Variants in TENM2 observed in about 807,000 individuals in gnomAD.
TENM2 encodes teneurin transmembrane protein 2, also known as teneurin-2.
TENM2 carries 52 observed loss-of-function variants against 245.2 expected under a neutral mutation model. That is an observed-to-expected ratio of 0.21 (90% CI 0.17 to 0.27). The LOEUF (loss-of-function observed/expected upper bound fraction) is 0.27. Among genes scored for constraint, TENM2 ranks in the 10% least tolerant of loss-of-function variants. The pLI is 1.00. For synonymous variants in TENM2, 1,363 were observed against 1,438.9 expected, an observed-to-expected ratio of 0.95 and a Z score of 1.19; for missense variants, 3,046 against 3,666.8, an observed-to-expected ratio of 0.83 and a Z score of 4.37.
chr5:167,223,753 G>A, the TENM2 span, among the ~76,000 whole-genome samples: 1 of 152,028 alleles, frequency 6.6e-6, no homozygotes, highest in Non-Finnish European at 1.5e-5. Context: ...TTAGTTTTTT[G>A]AGAAATCTCC....
chr5:167,471,179 G>T (rs1478496870), intron 2 of TENM2, among the ~76,000 whole-genome samples: 2 of 152,158 alleles, frequency 1.3e-5, no homozygotes, highest in Admixed American at 1.3e-4. Flanking sequence ...ACATGCCCTT[G>T]CTTCCCATCT....
chr5:166,982,988 A>AT, the TENM2 span, among the ~76,000 whole-genome samples: 1 of 151,994 alleles, frequency 6.6e-6, no homozygotes, highest in South Asian at 2.1e-4. Context: ...TCTGGTTTAT[A>AT]TTTTGCTTTA....
At chr5:167,073,585 T>C in the TENM2 span, among the ~76,000 whole-genome samples, 4 of 152,206 alleles carry the variant, frequency 2.6e-5, no homozygotes. Context: ...TTTACAATTC[T>C]TCAGTCGCAT....
the TENM2 span, among the ~76,000 whole-genome samples, chr5:167,257,784 T>G: frequency 6.6e-6 from 1 of 151,998 alleles, no homozygotes; most frequent in Non-Finnish European, 1.5e-5. Flanking sequence ...GAAAATACAC[T>G]TGGTACATGT....
the TENM2 span, among the ~76,000 whole-genome samples, chr5:167,260,361 T>C: frequency 6.6e-6 from 1 of 152,328 alleles, no homozygotes; most frequent in African/African-American, 2.4e-5. Flanking sequence ...AGTTTTAATT[T>C]GATTTTCAAA....
chr5:167,934,568 A>G (rs141043337), intron 3 of TENM2, among the ~76,000 whole-genome samples: 375 of 152,314 alleles, frequency 2.5e-3, no homozygotes, highest in Non-Finnish European at 4.4e-3. Context: ...CCACTGATGT[A>G]ACACGATGAA....
chr5:168,204,576 G>A, exon 19 of TENM2: 3 of 1,613,976 alleles, frequency 1.9e-6, no homozygotes, highest in Non-Finnish European at 1.7e-6. Flanking sequence ...AATTACATCC[G>A]ACGCATCTTT....
At chr5:167,896,999 C>A (rs1775274839) in intron 3 of TENM2, among the ~76,000 whole-genome samples, 2 of 152,200 alleles carry the variant, frequency 1.3e-5, no homozygotes, top group Non-Finnish European at 2.9e-5. Flanking sequence ...ATCTTTATAA[C>A]CACCCGAAAT....
At chr5:168,075,755 A>G (rs1056049969) in intron 7 of TENM2, among the ~76,000 whole-genome samples, 3 of 152,338 alleles carry the variant, frequency 2.0e-5, no homozygotes, top group African/African-American at 4.8e-5. Context: ...TTATAAAGGA[A>G]AGGAGGTTTA....
intron 6 of TENM2, among the ~76,000 whole-genome samples, chr5:168,055,501 A>G (rs1270704615): frequency 6.6e-6 from 1 of 152,194 alleles, no homozygotes; most frequent in Non-Finnish European, 1.5e-5. Context: ...AATACATGTG[A>G]CCTGTTGTCT....
intron 3 of TENM2, among the ~76,000 whole-genome samples, chr5:167,946,707 T>C (rs907219451): frequency 2.6e-5 from 4 of 152,204 alleles, no homozygotes; most frequent in Non-Finnish European, 5.9e-5. Flanking sequence ...TGGGATCGTG[T>C]GCCAGCTCTA....
intron 1 of TENM2, among the ~76,000 whole-genome samples, chr5:167,288,564 A>C (rs930884779): frequency 3.3e-5 from 5 of 151,976 alleles, no homozygotes; most frequent in Non-Finnish European, 5.9e-5. Flanking sequence ...GTCTCAAAAA[A>C]AAAAAAAAAA....
the TENM2 span, among the ~76,000 whole-genome samples, chr5:167,009,952 G>A: frequency 1.3e-5 from 2 of 152,132 alleles, no homozygotes; most frequent in Non-Finnish European, 2.9e-5. Flanking sequence ...GATATCACTG[G>A]AATTCATCCC....
the TENM2 span, among the ~76,000 whole-genome samples, chr5:167,066,179 G>A: frequency 6.6e-6 from 1 of 152,176 alleles, no homozygotes; most frequent in East Asian, 1.9e-4. Flanking sequence ...TAATTGAGAG[G>A]ATCAGATCAA....
intron 2 of TENM2, among the ~76,000 whole-genome samples, chr5:167,685,197 A>G (rs1756991833): frequency 6.6e-6 from 1 of 152,200 alleles, no homozygotes; most frequent in African/African-American, 2.4e-5. Context: ...AGTGACTCAA[A>G]TGTATAGTTT....
chr5:167,827,823 A>G (rs749322004), intron 2 of TENM2, among the ~76,000 whole-genome samples: 4 of 152,184 alleles, frequency 2.6e-5, no homozygotes, highest in Non-Finnish European at 5.9e-5. Flanking sequence ...TACTGGGGTC[A>G]TAGCAAAACT....
At chr5:167,009,033 G>T in the TENM2 span, among the ~76,000 whole-genome samples, 1 of 152,158 alleles carries the variant, frequency 6.6e-6, no homozygotes, top group Admixed American at 6.5e-5. Context: ...TCAAGCATTT[G>T]TAAGAAATAA....
At chr5:167,642,923 C>T (rs1024427749) in intron 2 of TENM2, among the ~76,000 whole-genome samples, 1 of 152,060 alleles carries the variant, frequency 6.6e-6, no homozygotes, top group Non-Finnish European at 1.5e-5. Flanking sequence ...TGGAAATTGC[C>T]CCTACATGTA....
Position 168,118,495 on chromosome 5 carries a change from G to GCCGGCC in TENM2, c.2008+14_2008+19dup. ...CGAGCACTGTGAGGAAGGTAAGCCC[G>GCCGGCC]CCGGCCCCGGGGCTAGGCAGCAGTG... On this transcript the variant is annotated intron_variant, in intron 10 of 28. Coordinates refer to ENST00000518659, the Ensembl canonical transcript of TENM2. The GCCGGCC allele has an allele frequency of 4.7e-6, 7 of 1,504,460 alleles. No homozygotes were observed. The highest frequency in any genetic ancestry group is 1.9e-5 in the Admixed American group (1 of 53,968). 93.2% of individuals were successfully genotyped at this position (1,504,460 alleles called of 1,614,324 possible). A position where few individuals can be genotyped will look rare whatever the true frequency, so the allele number is the denominator to read the frequency against.
Sources: allele counts gnomAD v4.1 joint callset (sites outside exome capture counted in the v4.1 genomes callset), GRCh38; gene constraint gnomAD v4.1.1; transcripts MANE v1.5; gene names NCBI Gene and HGNC (gene_info 2026-07-23, HGNC 2026-07-21).